The following CYP2J2 variants were observed in gnomAD, a reference collection of about 807,000 sequenced individuals.
CYP2J2 encodes the protein cytochrome P450 family 2 subfamily J member 2.
A neutral mutation model predicts 48.8 loss-of-function variants in CYP2J2; 41 were observed. That is an observed-to-expected ratio of 0.84 (90% CI 0.66 to 1.09). The LOEUF is 1.09. Among genes scored for constraint, CYP2J2 ranks in the 50% least tolerant of loss-of-function variants. CYP2J2 has a pLI of 0.00. For missense variants in CYP2J2, 644 were observed against 617.3 expected (o/e 1.04, Z -0.46); for synonymous variants, 221 against 227.1 (o/e 0.97, Z 0.24).
chr1:59,902,547 C>G lies in CYP2J2; in HGVS notation c.1192-1444G>C, dbSNP rs532559184. Among the ~76,000 whole-genome samples the G allele has an allele frequency of 5.5e-4, 83 of 152,154 alleles. 1 individual carries two copies. The highest frequency in any genetic ancestry group is 2.0e-3 in the African/African-American group (83 of 41,516). On this transcript the variant is annotated intron_variant, in intron 7 of 8. Transcript: ENST00000371204. The stretch of plus-strand genomic sequence containing the variant: ...TCTCCTGCCTCAGCCTCCCAAGTAG[C>G]TAGGATTACAGGTGCCCACCACCAC...
chr1:59,933,818 TG>T, the CYP2J2 span, among the ~76,000 whole-genome samples: 2 of 152,192 alleles, frequency 1.3e-5, no homozygotes, highest in South Asian at 4.1e-4. Flanking sequence ...GAAATTAATT[TG>T]CAGATTTAAT....
chr1:59,913,839 C>T (rs1194291534), intron 2 of CYP2J2, among the ~76,000 whole-genome samples: 1 of 152,232 alleles, frequency 6.6e-6, no homozygotes, highest in East Asian at 1.9e-4. Context: ...CCCTTCTCTA[C>T]TTAAAGCCAT....
At chr1:59,948,578 A>G in the CYP2J2 span, among the ~76,000 whole-genome samples, 4 of 152,228 alleles carry the variant, frequency 2.6e-5, no homozygotes, top group Admixed American at 2.6e-4. Flanking sequence ...GTTTTGCCAT[A>G]ATGGCAAAAA....
intron 5 of CYP2J2, among the ~76,000 whole-genome samples, chr1:59,908,754 G>A (rs1644385845): frequency 6.6e-6 from 1 of 152,218 alleles, no homozygotes; most frequent in Non-Finnish European, 1.5e-5. Context: ...AAAGATGACA[G>A]TATTGATGCA....
the CYP2J2 span, among the ~76,000 whole-genome samples, chr1:59,946,294 CT>C: frequency 1.2e-4 from 18 of 152,334 alleles, no homozygotes; most frequent in Non-Finnish European, 2.5e-4. Context: ...GTTCTTTCCT[CT>C]GCCTGCAAAG....
At chr1:59,941,501 T>A in the CYP2J2 span, among the ~76,000 whole-genome samples, 2 of 152,332 alleles carry the variant, frequency 1.3e-5, no homozygotes, top group South Asian at 4.1e-4. Flanking sequence ...CACTTTTTAA[T>A]CATCACTTTA....
intron 7 of CYP2J2, among the ~76,000 whole-genome samples, chr1:59,903,501 A>C (rs1370740457): frequency 1.3e-5 from 2 of 152,188 alleles, no homozygotes; most frequent in South Asian, 4.1e-4. Flanking sequence ...AAAGATAGGA[A>C]CAATAGACAC....
chr1:59,958,893 TTTC>T, the CYP2J2 span, among the ~76,000 whole-genome samples: 1 of 152,200 alleles, frequency 6.6e-6, no homozygotes, highest in Non-Finnish European at 1.5e-5. Flanking sequence ...GTTTCTCTAT[TTTC>T]TTCTAAACTT....
the CYP2J2 span, among the ~76,000 whole-genome samples, chr1:59,937,718 C>T: frequency 6.6e-6 from 1 of 152,072 alleles, no homozygotes; most frequent in African/African-American, 2.4e-5. Flanking sequence ...CCTTTTGATG[C>T]TATTTTCTAG....
At chr1:59,895,053 G>C (rs1446544134) in intron 8 of CYP2J2, among the ~76,000 whole-genome samples, 1 of 152,236 alleles carries the variant, frequency 6.6e-6, no homozygotes, top group Non-Finnish European at 1.5e-5. Flanking sequence ...TCTTCAGTAT[G>C]TATTTTCTAA....
chr1:59,920,749 G>A (rs1049941599), intron 1 of CYP2J2, among the ~76,000 whole-genome samples: 2 of 152,164 alleles, frequency 1.3e-5, no homozygotes, highest in African/African-American at 4.8e-5. Flanking sequence ...ATACAAACTT[G>A]TTTGAATCCA....
the CYP2J2 span, among the ~76,000 whole-genome samples, chr1:59,939,743 T>C: frequency 3.9e-5 from 6 of 152,328 alleles, no homozygotes; most frequent in African/African-American, 1.2e-4. Flanking sequence ...CTTAGAAGTC[T>C]ACCTGACGTT....
chr1:59,894,356 G>A (rs1233304995), intron 8 of CYP2J2, among the ~76,000 whole-genome samples: 5 of 152,134 alleles, frequency 3.3e-5, no homozygotes, highest in Non-Finnish European at 5.9e-5. Flanking sequence ...TCTGTATTGC[G>A]ACTGCTTTGG....
intron 1 of CYP2J2, among the ~76,000 whole-genome samples, chr1:59,918,931 G>A (rs1467999983): frequency 6.6e-6 from 1 of 152,094 alleles, no homozygotes; most frequent in East Asian, 1.9e-4. Context: ...AGGATTAGTG[G>A]GAGAAGAGAC....
chr1:59,939,515 G>A, the CYP2J2 span, among the ~76,000 whole-genome samples: 1 of 152,176 alleles, frequency 6.6e-6, no homozygotes, highest in African/African-American at 2.4e-5. Flanking sequence ...GCCACCACTA[G>A]GATTGCACTG....
chr1:59,934,792 G>C, the CYP2J2 span, among the ~76,000 whole-genome samples: 1 of 151,358 alleles, frequency 6.6e-6, no homozygotes, highest in Admixed American at 6.6e-5. Flanking sequence ...ATGAAATATG[G>C]AGTTTCTTTT....
intron 1 of CYP2J2, 79 bp downstream of exon 1, chr1:59,926,458 C>A: frequency 8.0e-7 from 1 of 1,254,824 alleles, no homozygotes. Flanking sequence ...CCCCACCCCA[C>A]CCACGTTGCC....
chr1:59,926,033 G>T (rs2102143240), intron 1 of CYP2J2, among the ~76,000 whole-genome samples: 1 of 152,272 alleles, frequency 6.6e-6, no homozygotes, highest in East Asian at 1.9e-4. Flanking sequence ...ACACCGTTTG[G>T]CAAAAATTTA....
At chr1:59,959,026 CT>C in the CYP2J2 span, among the ~76,000 whole-genome samples, 1 of 152,088 alleles carries the variant, frequency 6.6e-6, no homozygotes, top group African/African-American at 2.4e-5. Context: ...TGCTTTCCTC[CT>C]GTTCATCTGG....
Sources: allele counts gnomAD v4.1 joint callset (sites outside exome capture counted in the v4.1 genomes callset), GRCh38; gene constraint gnomAD v4.1.1; transcripts MANE v1.5; gene names NCBI Gene and HGNC (gene_info 2026-07-23, HGNC 2026-07-21).